Variants in LMAN1 observed in about 807,000 individuals in gnomAD.
LMAN1 encodes the protein lectin, mannose binding 1.
In LMAN1, 32 loss-of-function variants were observed where a neutral mutation model predicts 67.8. The ratio of observed to expected loss-of-function variants is 0.47; its 90% CI spans 0.36 to 0.63. The LOEUF is 0.63. Ranked by LOEUF, LMAN1 falls within the 30% of genes least tolerant of loss-of-function variation. The pLI, the probability that LMAN1 is intolerant of heterozygous loss-of-function variation, is 0.00. For synonymous variants in LMAN1, 235 were observed against 219.3 expected (o/e 1.07, Z -0.63); for missense variants, 632 against 628.2 (o/e 1.01, Z -0.06).
intron 8 of LMAN1, among the ~76,000 whole-genome samples, chr18:59,342,573 A>T (rs1210025266): frequency 6.6e-6 from 1 of 152,086 alleles, no homozygotes; most frequent in Non-Finnish European, 1.5e-5. Flanking sequence ...AAAACACATG[A>T]TCATTTCAAC....
chr18:59,353,439 C>A, intron 4 of LMAN1, 138 bp from the exon 5 acceptor site: 2 of 680,730 alleles, frequency 2.9e-6, no homozygotes, highest in South Asian at 1.6e-5. Context: ...CTACACGAGA[C>A]TACATGAGAC....
chr18:59,352,131 C>A (rs772638334), intron 5 of LMAN1, among the ~76,000 whole-genome samples: 16 of 152,188 alleles, frequency 1.1e-4, no homozygotes, highest in Non-Finnish European at 2.2e-4. Context: ...GTTATCATAA[C>A]TGCCAGTTAG....
intron 1 of LMAN1, among the ~76,000 whole-genome samples, chr18:59,357,676 C>T (rs940023337): frequency 3.3e-5 from 5 of 152,056 alleles, no homozygotes; most frequent in Non-Finnish European, 5.9e-5. Context: ...AAAATCTATA[C>T]CTTTCAATTA....
At chr18:59,342,261 C>T (rs1249267182) in intron 8 of LMAN1, among the ~76,000 whole-genome samples, 2 of 151,808 alleles carry the variant, frequency 1.3e-5, no homozygotes, top group Non-Finnish European at 2.9e-5. Context: ...CAAGAAGAAC[C>T]AATTCTCCTG....
At chr18:59,335,631 T>C (rs1051415984) in intron 10 of LMAN1, among the ~76,000 whole-genome samples, 5 of 152,016 alleles carry the variant, frequency 3.3e-5, no homozygotes, top group South Asian at 4.2e-4. Context: ...CTTAGAACCA[T>C]AGTATTCATA....
intron 8 of LMAN1, among the ~76,000 whole-genome samples, chr18:59,340,880 A>C (rs1274923464): frequency 6.6e-6 from 1 of 152,190 alleles, no homozygotes; most frequent in Non-Finnish European, 1.5e-5. Flanking sequence ...ATCAATATTA[A>C]CCTTGAATGC....
intron 11 of LMAN1, 39 bp downstream of exon 11, chr18:59,333,052 A>T (rs189880639): frequency 1.3e-6 from 2 of 1,534,944 alleles, no homozygotes; most frequent in Non-Finnish European, 1.8e-6. Flanking sequence ...TTCCTTTCCT[A>T]AAGATTATAA....
chr18:59,347,682 G>T, intron 6 of LMAN1, 111 bp from the exon 7 acceptor site: 2 of 828,032 alleles, frequency 2.4e-6, no homozygotes. Context: ...ACCAGTGAGG[G>T]AATTGACAAA....
rs763105356 is a variant in LMAN1, at chr18:59,353,242, G to A, written c.599C>T (p.Pro200Leu). 3.1e-6 allele frequency: 5 copies of A among 1,613,998 alleles called. No individual in the cohort carries two copies. The East Asian group carries it at 1.1e-4, about 36-fold the overall frequency. ...GTAATAGGTAATCTTTGCTCGGACA[G>A]GATAGGGTTTGTTGCGGAAGTCCCT... Reference protein sequence around the residue: ...CQRDFRNKPYPVRAKITYYQN... With the variant: ...CQRDFRNKPYLVRAKITYYQN... The change falls in exon 5 of 13, where the codon CCT (proline) becomes CTT (leucine). Residue 200 changes from proline to leucine, a missense_variant. Coordinates refer to ENST00000251047, the MANE Select transcript of LMAN1 (RefSeq NM_005570.4).
At chr18:59,344,509 C>T (rs1908357127) in intron 8 of LMAN1, among the ~76,000 whole-genome samples, 1 of 152,054 alleles carries the variant, frequency 6.6e-6, no homozygotes, top group East Asian at 1.9e-4. Context: ...ATGTCTTTTG[C>T]AGCAACATGG....
At chr18:59,350,896 G>C (rs1908530053) in intron 5 of LMAN1, among the ~76,000 whole-genome samples, 1 of 152,158 alleles carries the variant, frequency 6.6e-6, no homozygotes, top group Non-Finnish European at 1.5e-5. Flanking sequence ...ACTGTCCACT[G>C]ATTATTACTT....
At chr18:59,333,431 C>A (rs779404363) in intron 10 of LMAN1, 187 bp from the exon 11 acceptor site, 3 of 555,064 alleles carry the variant, frequency 5.4e-6, no homozygotes, top group Non-Finnish European at 6.3e-6. Context: ...CGACATTATG[C>A]CTTTATATTT....
intron 5 of LMAN1, among the ~76,000 whole-genome samples, chr18:59,352,263 C>T (rs1328265963): frequency 6.6e-6 from 1 of 152,120 alleles, no homozygotes; most frequent in East Asian, 1.9e-4. Context: ...TGCTTCTTTG[C>T]TAGTAAATAG....
intron 5 of LMAN1, chr18:59,351,353 A>C (rs903586141): frequency 2.0e-5 from 3 of 152,218 alleles, no homozygotes; most frequent in African/African-American, 7.2e-5. Flanking sequence ...AAGGGATCTG[A>C]ATTTGTGTGC....
At chr18:59,345,096 G>A (rs1311064873) in intron 8 of LMAN1, among the ~76,000 whole-genome samples, 3 of 152,152 alleles carry the variant, frequency 2.0e-5, no homozygotes, top group East Asian at 3.8e-4. Flanking sequence ...ATGTGATGAT[G>A]TTTAAAACAA....
At position 59,333,132 on chromosome 18, in the gene LMAN1, T is replaced by C; in HGVS notation, c.1333A>G (p.Ile445Val). 2.5e-6 allele frequency: 4 copies of C among 1,613,758 alleles called. No individual in the cohort carries two copies. Among genetic ancestry groups the C allele is most frequent in the South Asian group, 1.1e-5 (1 of 91,070 alleles). Residue 445 changes from isoleucine to valine, a missense_variant, in exon 11 of 13, where the codon ATA (isoleucine) becomes GTA (valine). Transcript: ENST00000251047. Reference protein sequence around the residue: ...HFIDIKEHLHIVKRDIDNLVQ... With the variant: ...HFIDIKEHLHVVKRDIDNLVQ... The stretch of plus-strand genomic sequence containing the variant: ...AAGTTATCTATGTCCCTCTTTACTA[T>C]GTGCAGGTGCTCTTTGATGTCAATG...
chr18:59,340,025 T>C (rs535125198), intron 8 of LMAN1, among the ~76,000 whole-genome samples: 36 of 152,318 alleles, frequency 2.4e-4, no homozygotes, highest in African/African-American at 6.0e-4. Flanking sequence ...CAATGGGCTC[T>C]TGTGAAACTG....
At position 59,353,158 on chromosome 18, in the gene LMAN1, T is replaced by G. The variant is rs191024809; in HGVS notation, c.639+44A>C. 2.1e-4 allele frequency: 307 copies of G among 1,482,322 alleles called. 4 individuals carry two copies. In the African/African-American group the frequency reaches 3.5e-3, roughly 17 times the overall value. 91.8% of individuals were successfully genotyped at this position (1,482,322 alleles called of 1,614,324 possible). On this transcript the variant is annotated intron_variant, in intron 5 of 12. Transcript: ENST00000251047. The stretch of plus-strand genomic sequence containing the variant: ...AAAAATTCAAAATGAAAAGTGATAC[T>G]GTAACATTGTTTATTTGATTCTCTC...
intron 8 of LMAN1, among the ~76,000 whole-genome samples, chr18:59,339,263 C>T (rs1908234223): frequency 6.6e-6 from 1 of 152,154 alleles, no homozygotes; most frequent in African/African-American, 2.4e-5. Context: ...TGTACCTCCT[C>T]CACGGAGAAA....
Sources: allele counts gnomAD v4.1 joint callset (sites outside exome capture counted in the v4.1 genomes callset), GRCh38; gene constraint gnomAD v4.1.1; transcripts MANE v1.5; gene names NCBI Gene and HGNC (gene_info 2026-07-23, HGNC 2026-07-21).